ABLIM3: variants seen among roughly 807,000 people sequenced by gnomAD.
ABLIM3 encodes the protein actin-binding LIM protein 3.
In ABLIM3, 61 loss-of-function variants were observed where a neutral mutation model predicts 109.5. The ratio of observed to expected loss-of-function variants is 0.56; its 90% CI spans 0.45 to 0.69. ABLIM3 has a LOEUF of 0.69. Among genes scored for constraint, ABLIM3 ranks in the 30% least tolerant of loss-of-function variants. ABLIM3 has a pLI of 0.00. For missense variants in ABLIM3, 796 were observed against 889.5 expected (o/e 0.89, Z 1.34); for synonymous variants, 300 against 324.8 (o/e 0.92, Z 0.82).
intron 8 of ABLIM3, among the ~76,000 whole-genome samples, chr5:149,228,751 A>G (rs1428629578): frequency 6.6e-6 from 1 of 151,822 alleles, no homozygotes; most frequent in African/African-American, 2.4e-5. Flanking sequence ...TTTCATTTCT[A>G]ATTATATTTT....
chr5:149,251,455 TG>T, intron 21 of ABLIM3, 36 bp downstream of exon 21: 1 of 1,606,664 alleles, frequency 6.2e-7, no homozygotes, highest in Non-Finnish European at 8.5e-7. Context: ...GCAGGGAGAG[TG>T]CCTCCAGATG....
intron 20 of ABLIM3, 89 bp from the exon 21 acceptor site, chr5:149,251,270 G>A (rs185113707): frequency 2.3e-5 from 34 of 1,467,760 alleles, no homozygotes; most frequent in Admixed American, 5.2e-5. Context: ...TCCCACAAGC[G>A]CCAGTCCATT....
chr5:149,224,100 A>G (rs1760931861), intron 8 of ABLIM3, among the ~76,000 whole-genome samples: 2 of 152,182 alleles, frequency 1.3e-5, no homozygotes. Flanking sequence ...AATGGCAGTT[A>G]TTATTTTTTA....
intron 6 of ABLIM3, among the ~76,000 whole-genome samples, chr5:149,209,179 T>C (rs1456470070): frequency 6.6e-6 from 1 of 152,128 alleles, no homozygotes; most frequent in African/African-American, 2.4e-5. Flanking sequence ...CAGGAGTGCT[T>C]GAGTCTGGAA....
chr5:149,195,081 C>T (rs1757831860), intron 3 of ABLIM3, among the ~76,000 whole-genome samples: 1 of 152,142 alleles, frequency 6.6e-6, no homozygotes, highest in African/African-American at 2.4e-5. Context: ...AGTTGAAAAT[C>T]ACTAAAACTG....
At chr5:149,145,784 G>A (rs1251207750) in intron 2 of ABLIM3, among the ~76,000 whole-genome samples, 2 of 138,120 alleles carry the variant, frequency 1.4e-5, no homozygotes, top group East Asian at 2.2e-4. Flanking sequence ...TATTCGCCAC[G>A]TGTATGTCTT....
rs1334124459 is a variant in ABLIM3, at chr5:149,142,012, A to T, written c.-84A>T. The T allele has an allele frequency of 1.9e-6, 3 of 1,601,564 alleles. No homozygotes were observed. The highest frequency in any genetic ancestry group is 2.7e-5 in the African/African-American group (2 of 74,686). On this transcript the variant is annotated 5_prime_UTR_variant, in exon 2 of 24. It removes an upstream start codon present in the reference 5' UTR. Transcript: ENST00000309868. ...GGACTGCCTTTTCACCCCCCAGGTG[A>T]TGAGTGAGGTTCGAAGAACGGAAGA...
At chr5:149,162,539 G>A (rs1754466520) in intron 2 of ABLIM3, among the ~76,000 whole-genome samples, 1 of 152,184 alleles carries the variant, frequency 6.6e-6, no homozygotes, top group Non-Finnish European at 1.5e-5. Flanking sequence ...GGAAGGGCGT[G>A]AGCAATCCAG....
At chr5:149,172,111 C>A (rs934931306) in intron 2 of ABLIM3, among the ~76,000 whole-genome samples, 12 of 152,144 alleles carry the variant, frequency 7.9e-5, no homozygotes, top group Non-Finnish European at 1.6e-4. Flanking sequence ...TTTTATCATT[C>A]TTTGACTTGT....
intron 2 of ABLIM3, among the ~76,000 whole-genome samples, chr5:149,148,306 T>C (rs1235873435): frequency 1.3e-5 from 2 of 151,636 alleles, no homozygotes; most frequent in Non-Finnish European, 2.9e-5. Flanking sequence ...GCAGGTGGGG[T>C]CTGGTCCTTA....
chr5:149,240,703 ACC>A lies in ABLIM3; in HGVS notation c.1233_1234del (p.Tyr411Ter). ...CCCGAGAGTGGCCGGAGCTCTCCAT[ACC>A]ATAGCCAGTTAGATGTGAGGTCCTC... On this transcript the variant is annotated stop_gained and frameshift_variant, in exon 14 of 24. Transcript: ENST00000309868. LOFTEE classifies it high-confidence loss of function. 6.2e-7 allele frequency: 1 copy of A among 1,613,978 alleles called. No individual in the cohort carries two copies. Among genetic ancestry groups the A allele is most frequent in the Non-Finnish European group, 8.5e-7 (1 of 1,179,990 alleles).
chr5:149,174,384 G>A (rs1755736359), intron 2 of ABLIM3: 1 of 152,078 alleles, frequency 6.6e-6, no homozygotes. Context: ...AAGATTCCTT[G>A]GATTTCCCCG....
chr5:149,219,611 C>G (rs1228936322), intron 8 of ABLIM3: 1 of 152,240 alleles, frequency 6.6e-6, no homozygotes. Flanking sequence ...CCCTGGGACC[C>G]AGGCCCTGCC....
chr5:149,232,353 A>G (rs1761946076), intron 9 of ABLIM3, among the ~76,000 whole-genome samples: 1 of 152,172 alleles, frequency 6.6e-6, no homozygotes, highest in South Asian at 2.1e-4. Flanking sequence ...AGAGTTGTTG[A>G]AAAGAATTAG....
At position 149,252,194 on chromosome 5, in the gene ABLIM3, T is replaced by C; in HGVS notation, c.1850-7T>C. The C allele has an allele frequency of 6.2e-7, 1 of 1,613,814 alleles. No homozygotes were observed. The highest frequency in any genetic ancestry group is 8.5e-7 in the Non-Finnish European group (1 of 1,179,808). ...TTCTGTGTGTGTGTCTCTTTTTCTCTCTGCAGAGTACAAGGTAAAGGATGT... is the reference window on the plus strand; with the variant it reads ...TTCTGTGTGTGTGTCTCTTTTTCTCCCTGCAGAGTACAAGGTAAAGGATGT... On this transcript the variant is annotated splice_polypyrimidine_tract_variant and splice_region_variant and intron_variant, in intron 21 of 23. Transcript: ENST00000309868.
At chr5:149,148,144 T>G (rs1359312368) in intron 2 of ABLIM3, among the ~76,000 whole-genome samples, 2 of 152,170 alleles carry the variant, frequency 1.3e-5, no homozygotes, top group African/African-American at 4.8e-5. Context: ...AATGCTTAGA[T>G]TACAAAAACA....
At chr5:149,215,522 T>TAA (rs11327906) in intron 7 of ABLIM3, among the ~76,000 whole-genome samples, 1 of 146,212 alleles carries the variant, frequency 6.8e-6, no homozygotes, top group Non-Finnish European at 1.5e-5. Flanking sequence ...TCCCCCCACA[T>TAA]AAAAAAAAAA....
chr5:149,250,886 G>A (rs1468753623), intron 20 of ABLIM3, among the ~76,000 whole-genome samples: 4 of 152,234 alleles, frequency 2.6e-5, no homozygotes, highest in East Asian at 1.9e-4. Flanking sequence ...ACAAGAAGTA[G>A]TAGAGCCAGG....
chr5:149,150,549 A>G (rs1753337741), intron 2 of ABLIM3, among the ~76,000 whole-genome samples: 2 of 152,328 alleles, frequency 1.3e-5, no homozygotes, highest in South Asian at 4.1e-4. Context: ...TTTCAAGAGC[A>G]CTTGGATTGC....
Sources: allele counts gnomAD v4.1 joint callset (sites outside exome capture counted in the v4.1 genomes callset), GRCh38; gene constraint gnomAD v4.1.1; transcripts MANE v1.5; gene names NCBI Gene and HGNC (gene_info 2026-07-23, HGNC 2026-07-21).